Variants in RANBP2 observed in about 807,000 individuals in gnomAD.
The protein encoded by RANBP2 is RAN binding protein 2, also known as E3 SUMO-protein ligase RanBP2.
A neutral mutation model predicts 303.6 loss-of-function variants in RANBP2; 57 were observed. That is an observed-to-expected ratio of 0.19 (90% confidence interval 0.15 to 0.23). The LOEUF (loss-of-function observed/expected upper bound fraction) is 0.23. Ranked by LOEUF, RANBP2 falls within the 10% of genes least tolerant of loss-of-function variation. The pLI is 1.00. For missense variants in RANBP2, 3,138 were observed against 3,780.8 expected (o/e 0.83, Z 4.46); for synonymous variants, 1,167 against 1,301.5 (o/e 0.90, Z 2.23).
At chr2:109,332,345 G>A in the RANBP2 span, among the ~76,000 whole-genome samples, 1 of 152,076 alleles carries the variant, frequency 6.6e-6, no homozygotes, top group Non-Finnish European at 1.5e-5. Flanking sequence ...TGCGCCCAGG[G>A]GTGCTGCACT....
chr2:109,208,111 A>T, the RANBP2 span, among the ~76,000 whole-genome samples: 4 of 152,256 alleles, frequency 2.6e-5, no homozygotes, highest in Admixed American at 6.5e-5. Context: ...TCAGACACAC[A>T]TGCTGCTGCC....
chr2:109,128,330 A>G, the RANBP2 span: 1 of 152,114 alleles, frequency 6.6e-6, no homozygotes, highest in Non-Finnish European at 1.5e-5. Flanking sequence ...AAAAAATTGG[A>G]GCGGGGGTTC....
the RANBP2 span, among the ~76,000 whole-genome samples, chr2:109,524,797 C>A: frequency 6.6e-6 from 1 of 151,764 alleles, no homozygotes; most frequent in African/African-American, 2.4e-5. Flanking sequence ...TCTAAAAAGG[C>A]CTTCCATTTT....
chr2:109,543,416 A>G, the RANBP2 span: 3 of 152,178 alleles, frequency 2.0e-5, no homozygotes, highest in Admixed American at 1.3e-4. Flanking sequence ...CGTCAGCCAT[A>G]ATAAGGCATA....
intron 1 of RANBP2, among the ~76,000 whole-genome samples, chr2:108,721,320 T>C (rs1181572534): frequency 1.3e-5 from 2 of 152,196 alleles, no homozygotes; most frequent in Admixed American, 6.5e-5. Flanking sequence ...AGGATAGATA[T>C]CTACTTGTAC....
chr2:108,997,604 C>T, the RANBP2 span, among the ~76,000 whole-genome samples: 1 of 151,694 alleles, frequency 6.6e-6, no homozygotes, highest in African/African-American at 2.4e-5. Context: ...TAAGACACTG[C>T]TCTGTGGCCG....
At chr2:109,388,848 G>T in the RANBP2 span, among the ~76,000 whole-genome samples, 1 of 152,156 alleles carries the variant, frequency 6.6e-6, no homozygotes, top group Non-Finnish European at 1.5e-5. Flanking sequence ...AGAGAAGGGG[G>T]TATAGAGACG....
the RANBP2 span, among the ~76,000 whole-genome samples, chr2:109,440,542 A>T: frequency 6.6e-6 from 1 of 152,228 alleles, no homozygotes; most frequent in African/African-American, 2.4e-5. Flanking sequence ...GGCCAATCTG[A>T]AGTGATGAGG....
chr2:109,363,008 T>A, the RANBP2 span, among the ~76,000 whole-genome samples: 1 of 152,214 alleles, frequency 6.6e-6, no homozygotes, highest in African/African-American at 2.4e-5. Flanking sequence ...TTTTATTTTA[T>A]CAACTTAAAA....
At chr2:109,249,145 A>G in the RANBP2 span, among the ~76,000 whole-genome samples, 3 of 152,162 alleles carry the variant, frequency 2.0e-5, no homozygotes, top group African/African-American at 7.2e-5. Context: ...CCTCTCAAAA[A>G]AGGATTGATT....
In RANBP2 at chr2:108,765,395, A is replaced by G. The variant is rs1482959608; in HGVS notation, c.4856A>G (p.Asn1619Ser). 10 of 1,323,778 alleles carry G rather than the reference A, an allele frequency of 7.6e-6. No individual in the cohort carries two copies. The East Asian group carries it at 1.9e-4, about 25-fold the overall frequency. 82.0% of individuals were successfully genotyped at this position (1,323,778 alleles called of 1,614,324 possible). Residue 1619 changes from asparagine (N) to serine (S), a missense_variant, in exon 20 of 29, where the codon AAT becomes AGT. Asn to Ser is a conservative substitution (Grantham distance 46). Transcript: ENST00000283195. ...GATTGCAGTGTGTGCTTAGTAAGAAATGAAGCCAGTGCTACCAAATGTATT... is the reference window on the plus strand; with the variant it reads ...GATTGCAGTGTGTGCTTAGTAAGAAGTGAAGCCAGTGCTACCAAATGTATT... ...QWDCSVCLVR[N>S]EASATKCIAC...
At chr2:108,979,441 T>G in the RANBP2 span, among the ~76,000 whole-genome samples, 4 of 71,142 alleles carry the variant, frequency 5.6e-5, no homozygotes, top group Non-Finnish European at 1.4e-4. Flanking sequence ...TCTCTTTCTC[T>G]CTCTCTGTCT....
At chr2:109,112,889 G>A in the RANBP2 span, among the ~76,000 whole-genome samples, 1 of 152,074 alleles carries the variant, frequency 6.6e-6, no homozygotes, top group Non-Finnish European at 1.5e-5. Flanking sequence ...ATTAAATAGG[G>A]AATCCTTTCC....
rs974871061 is a variant in RANBP2, at chr2:108,734,058, A to T, written c.406-1474A>T. Among the ~76,000 whole-genome samples the T allele has an allele frequency of 2.0e-5, 3 of 152,116 alleles. No individual in the cohort carries two copies. The East Asian group carries it at 5.8e-4, about 29-fold the overall frequency. On this transcript the variant is annotated intron_variant, in intron 4 of 28. Coordinates refer to ENST00000283195, the MANE Select transcript of RANBP2 (RefSeq NM_006267.5). ...AGTGGTTTTTAAAAATATTTTTAAC[A>T]TAGAGTCAAAGACTAGGGCTTTTGC...
chr2:108,959,162 G>T, the RANBP2 span, among the ~76,000 whole-genome samples: 1 of 152,230 alleles, frequency 6.6e-6, no homozygotes, highest in Non-Finnish European at 1.5e-5. Flanking sequence ...GTGTATATGG[G>T]GCATGCTGGT....
the RANBP2 span, among the ~76,000 whole-genome samples, chr2:109,708,238 T>C: frequency 1.3e-5 from 2 of 151,940 alleles, no homozygotes; most frequent in Admixed American, 1.3e-4. Flanking sequence ...TAGAACATTT[T>C]AGCTGGGCAT....
chr2:109,378,618 T>C, the RANBP2 span, among the ~76,000 whole-genome samples: 1 of 152,226 alleles, frequency 6.6e-6, no homozygotes, highest in East Asian at 1.9e-4. Context: ...CTTTGATTTT[T>C]GTTAAATTGC....
chr2:109,298,756 C>T, the RANBP2 span, among the ~76,000 whole-genome samples: 3 of 152,160 alleles, frequency 2.0e-5, no homozygotes, highest in Non-Finnish European at 2.9e-5. Flanking sequence ...CCTGATCTAA[C>T]CTTCTTCCAC....
downstream of RANBP2, chr2:108,787,037 C>A (rs993189974): frequency 3.8e-6 from 2 of 525,438 alleles, no homozygotes; most frequent in Non-Finnish European, 5.9e-6. Context: ...GCACTCCCGC[C>A]GTGGCTGCGG....
Sources: gnomAD v4.1 joint callset for allele counts (sites outside exome capture counted in the v4.1 genomes callset) on GRCh38, gnomAD v4.1.1 for gene constraint, MANE v1.5 for transcripts, NCBI Gene and HGNC (gene_info 2026-07-23, HGNC 2026-07-21) for gene names.